The following THSD4 variants were observed in gnomAD, a reference collection of about 807,000 sequenced individuals.
THSD4 encodes the protein thrombospondin type 1 domain containing 4, also known as thrombospondin type-1 domain-containing protein 4.
Under a neutral mutation model 119.0 loss-of-function variants are expected in THSD4, and 69 were observed. The ratio of observed to expected loss-of-function variants is 0.58; its 90% CI spans 0.48 to 0.71. The LOEUF is 0.71. Ranked by LOEUF, THSD4 falls within the 30% of genes least tolerant of loss-of-function variation. The probability of loss-of-function intolerance (pLI) is 0.00; values close to 1 mark genes in which losing one functional copy is unlikely to be tolerated. For synonymous variants in THSD4, 524 were observed against 540.4 expected (o/e 0.97, Z 0.42); for missense variants, 1,393 against 1,391.1 (o/e 1.00, Z -0.02).
intron 7 of THSD4, among the ~76,000 whole-genome samples, chr15:71,626,880 T>C (rs917816160): frequency 3.9e-5 from 6 of 152,256 alleles, no homozygotes; most frequent in Non-Finnish European, 5.9e-5. Flanking sequence ...CAGCTTTCCT[T>C]CTTTTTCTGT....
chr15:71,574,995 G>A (rs1281548110), intron 7 of THSD4, among the ~76,000 whole-genome samples: 2 of 152,138 alleles, frequency 1.3e-5, no homozygotes, highest in South Asian at 2.1e-4. Context: ...TGGGGCTTTA[G>A]CGATGCATCA....
chr15:71,478,553 A>G (rs1360404599), intron 7 of THSD4, among the ~76,000 whole-genome samples: 1 of 152,228 alleles, frequency 6.6e-6, no homozygotes, highest in Non-Finnish European at 1.5e-5. Flanking sequence ...CACCTGTAGT[A>G]ACCTGTTATA....
chr15:71,535,763 G>T (rs772246710), intron 7 of THSD4, among the ~76,000 whole-genome samples: 10 of 152,080 alleles, frequency 6.6e-5, no homozygotes, highest in African/African-American at 2.4e-4. Context: ...CAAACCTTTT[G>T]CCCATTTTTA....
At chr15:71,768,715 C>T (rs376396888) in intron 16 of THSD4, among the ~76,000 whole-genome samples, 65 of 151,244 alleles carry the variant, frequency 4.3e-4, no homozygotes, top group Admixed American at 1.8e-3. Context: ...CAGGTGCCCA[C>T]CACCATGCAC....
At chr15:71,227,784 G>A (rs1257349909) in intron 4 of THSD4, among the ~76,000 whole-genome samples, 4 of 152,304 alleles carry the variant, frequency 2.6e-5, no homozygotes, top group Admixed American at 6.5e-5. Flanking sequence ...GGTAATTTAC[G>A]TGAGGTTTAG....
chr15:71,534,528 A>T (rs912412799), intron 7 of THSD4, among the ~76,000 whole-genome samples: 1 of 152,168 alleles, frequency 6.6e-6, no homozygotes, highest in Non-Finnish European at 1.5e-5. Context: ...ATTTTTCCAA[A>T]TGAGAATAAT....
intron 7 of THSD4, among the ~76,000 whole-genome samples, chr15:71,498,606 G>C (rs1429330480): frequency 6.6e-6 from 1 of 152,116 alleles, no homozygotes; most frequent in East Asian, 1.9e-4. Context: ...CTGGCTCCTA[G>C]ACATTGCAGT....
chr15:71,692,319 A>G (rs995870229), intron 8 of THSD4, among the ~76,000 whole-genome samples: 4 of 152,230 alleles, frequency 2.6e-5, no homozygotes, highest in Middle Eastern at 3.2e-3. Context: ...GGCTGGAACT[A>G]TGATTCCAGA....
chr15:71,156,571 G>C (rs2040779753), intron 3 of THSD4, among the ~76,000 whole-genome samples: 1 of 152,110 alleles, frequency 6.6e-6, no homozygotes, highest in African/African-American at 2.4e-5. Context: ...GCCTGAGAGA[G>C]GGTTTTCATA....
chr15:71,603,049 T>C (rs2050043426), intron 7 of THSD4, among the ~76,000 whole-genome samples: 1 of 152,212 alleles, frequency 6.6e-6, no homozygotes, highest in African/African-American at 2.4e-5. Context: ...TTTCAGGACC[T>C]GTGAGGGCTT....
At chr15:71,280,708 C>T (rs2044641379) in intron 6 of THSD4, among the ~76,000 whole-genome samples, 3 of 151,870 alleles carry the variant, frequency 2.0e-5, no homozygotes, top group African/African-American at 7.3e-5. Flanking sequence ...CTCCCTCACT[C>T]TTTGCCCTGT....
intron 4 of THSD4, among the ~76,000 whole-genome samples, chr15:71,218,872 G>A (rs941409291): frequency 6.6e-6 from 1 of 152,198 alleles, no homozygotes; most frequent in Non-Finnish European, 1.5e-5. Flanking sequence ...GATAACAAAT[G>A]AAGCTATTCA....
At chr15:71,638,458 C>A (rs1235635256) in intron 7 of THSD4, among the ~76,000 whole-genome samples, 2 of 152,180 alleles carry the variant, frequency 1.3e-5, no homozygotes, top group Non-Finnish European at 2.9e-5. Context: ...ATTCTGAACC[C>A]TTGAACACTA....
intron 14 of THSD4, 68 bp downstream of exon 14, chr15:71,748,662 A>G (rs1388804674): frequency 3.8e-6 from 6 of 1,559,686 alleles, no homozygotes; most frequent in African/African-American, 2.7e-5. Context: ...CCACACAAAG[A>G]TGAGTCACTA....
chr15:71,713,468 GA>G (rs779316768), intron 8 of THSD4, among the ~76,000 whole-genome samples: 32 of 152,226 alleles, frequency 2.1e-4, no homozygotes, highest in Admixed American at 4.6e-4. Flanking sequence ...TTCTGAAAAA[GA>G]GATATAGTGG....
chr15:71,118,537 C>T (rs1190877605), intron 1 of THSD4, among the ~76,000 whole-genome samples: 1 of 152,154 alleles, frequency 6.6e-6, no homozygotes. Flanking sequence ...TTGGGCCTCT[C>T]CAGGTCATGG....
At chr15:71,442,600 ATGTGTGTGTGTGTGTGTG>A (rs1296595218) in intron 7 of THSD4, among the ~76,000 whole-genome samples, 27 of 44,762 alleles carry the variant, frequency 6.0e-4, no homozygotes, top group South Asian at 2.0e-3. Flanking sequence ...ATATATATAT[ATGTGTGTGTGTGTGTGTG>A]TATATATATA....
upstream of THSD4, chr15:71,111,829 T>A (rs2040307530): frequency 1.9e-6 from 1 of 530,028 alleles, no homozygotes; most frequent in South Asian, 3.2e-5. Context: ...ACGAGGTTTG[T>A]AAGAGCTGAG....
intron 7 of THSD4, among the ~76,000 whole-genome samples, chr15:71,524,082 G>A (rs901315084): frequency 6.6e-6 from 1 of 152,078 alleles, no homozygotes; most frequent in Non-Finnish European, 1.5e-5. Context: ...AAGAACAAGT[G>A]GTCCACACAC....
Sources: allele counts gnomAD v4.1 joint callset (sites outside exome capture counted in the v4.1 genomes callset), GRCh38; gene constraint gnomAD v4.1.1; transcripts MANE v1.5; gene names NCBI Gene and HGNC (gene_info 2026-07-23, HGNC 2026-07-21).